The following C1orf198 variants were observed in gnomAD, a reference collection of about 807,000 sequenced individuals.
C1orf198 encodes chromosome 1 open reading frame 198, also known as uncharacterized protein C1orf198.
In C1orf198, 17 loss-of-function variants were observed where a neutral mutation model predicts 31.4. The observed-to-expected ratio is 0.54, with a 90% confidence interval of 0.37 to 0.81. The LOEUF (loss-of-function observed/expected upper bound fraction) is 0.81. C1orf198 is among the 40% of genes least tolerant of loss of function. C1orf198 has a pLI of 0.00. For synonymous variants in C1orf198, 175 were observed against 193.8 expected (o/e 0.90, Z 0.81); for missense variants, 401 against 450.3 (o/e 0.89, Z 0.99).
chr1:230,867,889 T>C (rs1670157081), intron 1 of C1orf198, among the ~76,000 whole-genome samples: 1 of 152,132 alleles, frequency 6.6e-6, no homozygotes, highest in Admixed American at 6.5e-5. Flanking sequence ...TCAGCCTCGC[T>C]TACGACAGCT....
chr1:230,861,560 C>T lies in C1orf198; in HGVS notation c.334-5842G>A, dbSNP rs574091174. Among the ~76,000 whole-genome samples, 159 of 152,328 alleles carry T rather than the reference C, an allele frequency of 1.0e-3. 2 individuals are homozygous for T. In the Middle Eastern group the frequency reaches 0.037, roughly 36 times the overall value. ...CGTGAGTCACGCCAACAGCGTGCAA[C>T]GGGCCATGGTGGAGTATCTGGTCAT... On this transcript the variant is annotated intron_variant, in intron 1 of 3. Coordinates refer to ENST00000366663, the MANE Select transcript of C1orf198 (RefSeq NM_032800.3).
rs979362874 is a variant in C1orf198, at chr1:230,840,330, G to A, written c.928-422C>T. Among the ~76,000 whole-genome samples the A allele has an allele frequency of 6.6e-6, 1 of 152,192 alleles. No individual in the cohort carries two copies. Among genetic ancestry groups the A allele is most frequent in the South Asian group, 2.1e-4 (1 of 4,832 alleles). ...AACACAACAAAAAAGAACTTGTAAA[G>A]TTGAGAAAGTAAACATAGTGTGGAA... is the stretch of plus-strand genomic sequence containing the variant. On this transcript the variant is annotated intron_variant, in intron 3 of 3. Coordinates refer to ENST00000366663, the MANE Select transcript of C1orf198 (RefSeq NM_032800.3). The surrounding 1 kb of genome is among the most constrained non-coding windows in gnomAD (Gnocchi z 4.0).
chr1:230,844,780 G>A (rs1669543590), intron 2 of C1orf198, among the ~76,000 whole-genome samples: 1 of 152,286 alleles, frequency 6.6e-6, no homozygotes, highest in South Asian at 2.1e-4. Flanking sequence ...CAGAGGGCAG[G>A]GCAGGGCCTG....
chr1:230,841,479 G>C lies in C1orf198; in HGVS notation c.928-1571C>G, dbSNP rs534580290. 1.4e-4 allele frequency among the ~76,000 whole-genome samples: 21 copies of C among 152,232 alleles called. No homozygotes were observed. The South Asian group carries it at 4.4e-3, about 32-fold the overall frequency. ...ACCAAAAATTTAAAAATGGGCAAGGGACCATTGGACATTTCTCCAAAGAAG... is the reference window on the plus strand; with the variant it reads ...ACCAAAAATTTAAAAATGGGCAAGGCACCATTGGACATTTCTCCAAAGAAG... On this transcript the variant is annotated intron_variant, in intron 3 of 3. Coordinates refer to ENST00000366663, the MANE Select transcript of C1orf198 (RefSeq NM_032800.3).
chr1:230,843,457 A>G lies in C1orf198; in HGVS notation c.824T>C (p.Leu275Pro), dbSNP rs758311920. 6.2e-7 allele frequency: 1 copy of G among 1,607,842 alleles called. No individual in the cohort carries two copies. The highest frequency in any genetic ancestry group is 1.3e-5 in the African/African-American group (1 of 74,732). The change falls in exon 3 of 4, where the codon CTG (leucine) becomes CCG (proline). Residue 275 changes from leucine (L) to proline (P), a missense_variant. Transcript: ENST00000366663. The surrounding 1 kb of genome is among the most constrained non-coding windows in gnomAD (Gnocchi z 4.9). ...PQPVQAFSSA[L>P]HEAAPSQLEG... The stretch of plus-strand genomic sequence containing the variant: ...GAGCTGGGAGGGGGCAGCCTCGTGC[A>G]GTGCACTGCTGAAGGCCTGGACAGG...
Position 230,839,266 on chromosome 1 carries a change from C to G in C1orf198, c.*586G>C, listed in dbSNP as rs924395979. On this transcript the variant is annotated 3_prime_UTR_variant, in exon 4 of 4. Transcript: ENST00000366663. ...CTGCTACATACCCGCAGTCTGTTCC[C>G]TGGAAATGGCGTGAGGGTGGAGGCT... 1.3e-5 allele frequency: 2 copies of G among 155,034 alleles called. No homozygotes were observed. The highest frequency in any genetic ancestry group is 2.8e-5 in the Non-Finnish European group (2 of 70,378). The allele number at this position is 155,034 out of a possible 1,614,324, so 9.6% of individuals were successfully genotyped here.
chr1:230,864,923 A>G (rs896798053), intron 1 of C1orf198, among the ~76,000 whole-genome samples: 15 of 152,190 alleles, frequency 9.9e-5, no homozygotes, highest in Non-Finnish European at 2.2e-4. Flanking sequence ...AAACAGGGTG[A>G]TCCCTCTAAA....
chr1:230,849,403 G>A (rs1669679843), intron 2 of C1orf198, among the ~76,000 whole-genome samples: 2 of 152,208 alleles, frequency 1.3e-5, no homozygotes, highest in Admixed American at 1.3e-4. Context: ...GTCTTCTATA[G>A]TCTTTGAGAC....
chr1:230,859,419 G>A (rs985042682), intron 1 of C1orf198, among the ~76,000 whole-genome samples: 6 of 152,124 alleles, frequency 3.9e-5, no homozygotes, highest in Non-Finnish European at 8.8e-5. Flanking sequence ...TGTTACTTAG[G>A]CCACACGACA....
chr1:230,841,627 C>G (rs1669443853), intron 3 of C1orf198, among the ~76,000 whole-genome samples: 1 of 152,190 alleles, frequency 6.6e-6, no homozygotes. Flanking sequence ...AGCAAAGACA[C>G]AGAAAATAAC....
At chr1:230,852,133 T>C (rs1046627841) in intron 2 of C1orf198, among the ~76,000 whole-genome samples, 2 of 152,150 alleles carry the variant, frequency 1.3e-5, no homozygotes, top group African/African-American at 4.8e-5. Flanking sequence ...CTACCCAACA[T>C]GTGTACAAAT....
upstream of C1orf198, chr1:230,869,526 A>G (rs1327176520): frequency 6.6e-6 from 1 of 152,202 alleles, no homozygotes; most frequent in East Asian, 1.9e-4. Context: ...TAAAAAAACA[A>G]AAACAAAAAC....
rs1669369691 is a variant in C1orf198, at chr1:230,838,788, A to G, written c.*1064T>C. 6.5e-6 allele frequency: 1 copy of G among 152,672 alleles called. No homozygotes were observed. Among genetic ancestry groups the G allele is most frequent in the Non-Finnish European group, 1.5e-5 (1 of 68,126 alleles). The allele number at this position is 152,672 out of a possible 1,614,324, so 9.5% of individuals were successfully genotyped here. A position where few individuals can be genotyped will look rare whatever the true frequency, so the allele number is the denominator to read the frequency against. On this transcript the variant is annotated 3_prime_UTR_variant, in exon 4 of 4. Coordinates refer to ENST00000366663, the MANE Select transcript of C1orf198 (RefSeq NM_032800.3). The surrounding 1 kb of genome is among the most constrained non-coding windows in gnomAD (Gnocchi z 4.2). Reference sequence around the variant, plus strand: ...CCTTGGTGTCTGCACCAGCTCCAAGAGATACTGCTGCTCTGACACCACGCA... The same window carrying G: ...CCTTGGTGTCTGCACCAGCTCCAAGGGATACTGCTGCTCTGACACCACGCA...
At chr1:230,849,491 GC>G in intron 2 of C1orf198, among the ~76,000 whole-genome samples, 1 of 152,364 alleles carries the variant, frequency 6.6e-6, no homozygotes, top group South Asian at 2.1e-4. Context: ...TGTCCCAAGT[GC>G]CCACGGAGGC....
intron 1 of C1orf198, among the ~76,000 whole-genome samples, chr1:230,866,834 A>G: frequency 6.6e-6 from 1 of 152,196 alleles, no homozygotes; most frequent in East Asian, 1.9e-4. Context: ...TTTAAAACCT[A>G]TATTTTCCCC....
At chr1:230,853,107 G>A (rs990736007) in intron 2 of C1orf198, among the ~76,000 whole-genome samples, 5 of 152,156 alleles carry the variant, frequency 3.3e-5, no homozygotes, top group Non-Finnish European at 5.9e-5. Context: ...CCCATCAGGC[G>A]ATCAGATGAC....
At chr1:230,866,932 T>C (rs1390856420) in intron 1 of C1orf198, among the ~76,000 whole-genome samples, 1 of 152,224 alleles carries the variant, frequency 6.6e-6, no homozygotes, top group Non-Finnish European at 1.5e-5. Context: ...TCCATCAGAA[T>C]AAAGAAACAC....
chr1:230,845,690 T>G (rs7415424), intron 2 of C1orf198, among the ~76,000 whole-genome samples: 11 of 130,486 alleles, frequency 8.4e-5, no homozygotes, highest in Admixed American at 5.0e-4. Context: ...TTTCAAAAAA[T>G]AAAAGAAAAG....
chr1:230,862,085 G>A (rs1387658389), intron 1 of C1orf198, among the ~76,000 whole-genome samples: 1 of 152,206 alleles, frequency 6.6e-6, no homozygotes, highest in African/African-American at 2.4e-5. Flanking sequence ...AGGTGGCCTG[G>A]CCATCTTGGT....
Sources: gnomAD v4.1 joint callset for allele counts (sites outside exome capture counted in the v4.1 genomes callset) on GRCh38, gnomAD v4.1.1 for gene constraint, Gnocchi (gnomAD v3.1) non-coding constraint, MANE v1.5 for transcripts, NCBI Gene and HGNC (gene_info 2026-07-23, HGNC 2026-07-21) for gene names.